BLTP1: variants seen among roughly 807,000 people sequenced by gnomAD.
The protein encoded by BLTP1 is bridge-like lipid transfer protein family member 1.
chr4:122,325,982 C>T, the BLTP1 span: 2 of 422,106 alleles, frequency 4.7e-6, no homozygotes, highest in Non-Finnish European at 8.7e-6. Flanking sequence ...AATCTACTTT[C>T]AAAATATCTT....
At chr4:122,318,326 T>C in the BLTP1 span, 20 of 1,370,384 alleles carry the variant, frequency 1.5e-5, no homozygotes, top group Non-Finnish European at 2.1e-5. Flanking sequence ...CTTTTTCCTA[T>C]CATATCTACT....
the BLTP1 span, among the ~76,000 whole-genome samples, chr4:122,332,468 A>G: frequency 1.3e-5 from 2 of 151,984 alleles, no homozygotes; most frequent in African/African-American, 4.8e-5. Flanking sequence ...CGACCTTAGG[A>G]AAGAATAAAG....
chr4:122,184,743 C>T, the BLTP1 span: 2 of 984,902 alleles, frequency 2.0e-6, no homozygotes, highest in Non-Finnish European at 2.4e-6. Context: ...TCTAGAGACT[C>T]ATTAGCATAC....
the BLTP1 span, chr4:122,279,821 G>A: frequency 6.2e-7 from 1 of 1,613,948 alleles, no homozygotes; most frequent in Non-Finnish European, 8.5e-7. Flanking sequence ...CCTCTACAGT[G>A]CCCAAAGAGG....
chr4:122,195,597 G>A, the BLTP1 span: 1 of 199,770 alleles, frequency 5.0e-6, no homozygotes, highest in East Asian at 1.9e-4. Flanking sequence ...TGAAGCTACA[G>A]CATGAAGTGC....
At chr4:122,342,993 CCT>C in the BLTP1 span, among the ~76,000 whole-genome samples, 1 of 152,134 alleles carries the variant, frequency 6.6e-6, no homozygotes, top group Non-Finnish European at 1.5e-5. Context: ...CATACCTTGC[CCT>C]GTTTCCACTG....
At chr4:122,348,349 T>G in the BLTP1 span, among the ~76,000 whole-genome samples, 7,598 of 152,222 alleles carry the variant, frequency 0.05, 271 homozygotes, top group Non-Finnish European at 0.075. Context: ...CATACATAAT[T>G]TTATGAGCTT....
At chr4:122,331,646 G>A in the BLTP1 span, 1 of 1,454,488 alleles carries the variant, frequency 6.9e-7, no homozygotes, top group South Asian at 1.5e-5. Context: ...ATGCAGATTT[G>A]AAGTGTAAAT....
chr4:122,303,578 CTT>C, the BLTP1 span, among the ~76,000 whole-genome samples: 2 of 152,252 alleles, frequency 1.3e-5, no homozygotes, highest in South Asian at 4.1e-4. Flanking sequence ...AGAGAGAACA[CTT>C]TGATTCATGA....
At chr4:122,239,779 C>T in the BLTP1 span, 1 of 1,614,116 alleles carries the variant, frequency 6.2e-7, no homozygotes, top group Non-Finnish European at 8.5e-7. Flanking sequence ...GGTTCATTCC[C>T]ATATACACCA....
the BLTP1 span, chr4:122,263,036 A>G: frequency 1.1e-5 from 17 of 1,556,574 alleles, no homozygotes; most frequent in Admixed American, 3.1e-4. Flanking sequence ...GGGAATTGAG[A>G]TGAAACAGGA....
chr4:122,209,805 T>G, the BLTP1 span: 4 of 1,612,556 alleles, frequency 2.5e-6, no homozygotes, highest in African/African-American at 5.3e-5. Flanking sequence ...ACTGTCTGTT[T>G]TACTCTTCAA....
At chr4:122,226,069 G>A in the BLTP1 span, 1 of 152,032 alleles carries the variant, frequency 6.6e-6, no homozygotes, top group Non-Finnish European at 1.5e-5. Flanking sequence ...TTCTCTGTAT[G>A]TTTTAAAAGT....
At chr4:122,200,698 T>A in the BLTP1 span, 1 of 984,730 alleles carries the variant, frequency 1.0e-6, no homozygotes, top group East Asian at 1.1e-4. Context: ...CAGATGAGGC[T>A]TAAGGAGAAA....
the BLTP1 span, chr4:122,312,818 C>T: frequency 1.3e-6 from 1 of 788,046 alleles, no homozygotes; most frequent in African/African-American, 1.9e-5. Flanking sequence ...ATTTAAGTAA[C>T]ATTTGAATAC....
the BLTP1 span, chr4:122,237,341 A>C: frequency 1.0e-6 from 1 of 985,392 alleles, no homozygotes; most frequent in Non-Finnish European, 1.2e-6. Flanking sequence ...TGAAACTGTG[A>C]AACAGTGGTG....
chr4:122,247,374 A>G, the BLTP1 span: 3 of 1,611,658 alleles, frequency 1.9e-6, no homozygotes, highest in Non-Finnish European at 2.5e-6. Context: ...TTCTACAACA[A>G]ATATGTTTTT....
At chr4:122,209,220 T>C in the BLTP1 span, 3 of 1,613,616 alleles carry the variant, frequency 1.9e-6, no homozygotes, top group Admixed American at 5.0e-5. Flanking sequence ...TATTCTTTAT[T>C]TATGCTGGTA....
At chr4:122,267,051 A>ATTTTTTTTTTTTTTG in the BLTP1 span, 1 of 138,564 alleles carries the variant, frequency 7.2e-6, no homozygotes, top group African/African-American at 7.0e-5. Flanking sequence ...TAAGGAAGTA[A>ATTTTTTTTTTTTTTG]TTTTTTTTTT....
Sources: gnomAD v4.1 joint callset for allele counts (sites outside exome capture counted in the v4.1 genomes callset) on GRCh38, gnomAD v4.1.1 for gene constraint, MANE v1.5 for transcripts, NCBI Gene and HGNC (gene_info 2026-07-23, HGNC 2026-07-21) for gene names.